CDK5RAP2: variants seen among roughly 807,000 people sequenced by gnomAD.
The protein encoded by CDK5RAP2 is CDK5 regulatory subunit-associated protein 2.
In CDK5RAP2, 147 loss-of-function variants were observed where a neutral mutation model predicts 232.9. The observed-to-expected ratio is 0.63, with a 90% CI of 0.55 to 0.72. CDK5RAP2 has a LOEUF of 0.72. Among genes scored for constraint, CDK5RAP2 ranks in the 30% least tolerant of loss-of-function variants. The probability of loss-of-function intolerance (pLI) is 0.00; values close to 1 mark genes in which losing one functional copy is unlikely to be tolerated. For synonymous variants in CDK5RAP2, 833 were observed against 833.7 expected, an observed-to-expected ratio of 1.00 and a Z score of 0.01; for missense variants, 2,195 against 2,231.5, an observed-to-expected ratio of 0.98 and a Z score of 0.33.
chr9:120,515,425 T>A (rs936702895), intron 12 of CDK5RAP2, among the ~76,000 whole-genome samples: 1 of 152,390 alleles, frequency 6.6e-6, no homozygotes, highest in Middle Eastern at 3.4e-3. Flanking sequence ...TAAATTGTTT[T>A]GCATTTTGTC....
chr9:120,437,664 T>G (rs1010259449), intron 24 of CDK5RAP2, 137 bp from the exon 25 acceptor site: 1 of 682,024 alleles, frequency 1.5e-6, no homozygotes, highest in African/African-American at 1.8e-5. Context: ...TTTAGAAAAA[T>G]TGAAACTGTA....
At chr9:120,565,850 C>T (rs894287633) in intron 3 of CDK5RAP2, among the ~76,000 whole-genome samples, 5 of 152,172 alleles carry the variant, frequency 3.3e-5, no homozygotes, top group Admixed American at 6.5e-5. Context: ...CACTATTTTC[C>T]TATCCATCTT....
At chr9:120,408,246 G>A in intron 31 of CDK5RAP2, 101 bp downstream of exon 31, 1 of 1,396,332 alleles carries the variant, frequency 7.2e-7, no homozygotes, top group South Asian at 1.2e-5. Context: ...CAAGGCCAGA[G>A]TGGAGAGGGC....
At chr9:120,497,685 C>T (rs1194533723) in intron 12 of CDK5RAP2, among the ~76,000 whole-genome samples, 1 of 152,192 alleles carries the variant, frequency 6.6e-6, no homozygotes, top group Admixed American at 6.5e-5. Flanking sequence ...GAGCACATCA[C>T]TTCCATGCTA....
chr9:120,412,675 G>A (rs2033924910), intron 28 of CDK5RAP2, among the ~76,000 whole-genome samples: 1 of 152,164 alleles, frequency 6.6e-6, no homozygotes, highest in Non-Finnish European at 1.5e-5. Flanking sequence ...ACAAATCCCT[G>A]TTGTTACCAT....
At chr9:120,557,125 G>A (rs765704952) in intron 3 of CDK5RAP2, among the ~76,000 whole-genome samples, 5 of 152,130 alleles carry the variant, frequency 3.3e-5, no homozygotes, top group Admixed American at 2.0e-4. Flanking sequence ...AGCAAAATAC[G>A]CCTTTAGAAG....
At chr9:120,422,878 G>A (rs949520064) in intron 25 of CDK5RAP2, 137 bp from the exon 26 acceptor site, 38 of 710,574 alleles carry the variant, frequency 5.3e-5, no homozygotes, top group Admixed American at 2.2e-4. Flanking sequence ...GATATTTAAA[G>A]TAGGATTACC....
At chr9:120,483,743 G>A (rs551738607) in intron 14 of CDK5RAP2, among the ~76,000 whole-genome samples, 1 of 152,230 alleles carries the variant, frequency 6.6e-6, no homozygotes, top group Non-Finnish European at 1.5e-5. Flanking sequence ...TAGTAGGACT[G>A]GCATTCTGAC....
intron 31 of CDK5RAP2, 194 bp from the exon 32 acceptor site, chr9:120,407,442 C>A: frequency 1.7e-6 from 1 of 605,302 alleles, no homozygotes; most frequent in South Asian, 1.9e-5. Context: ...ATTCCACACG[C>A]TAAATAAGAG....
intron 14 of CDK5RAP2, among the ~76,000 whole-genome samples, chr9:120,480,752 G>A (rs2038259445): frequency 6.6e-6 from 1 of 152,186 alleles, no homozygotes; most frequent in Non-Finnish European, 1.5e-5. Context: ...GGAGAATACT[G>A]TTGTGCTTCC....
chr9:120,389,439 C>T (rs1162943762), intron 37 of CDK5RAP2, 147 bp from the exon 38 acceptor site: 6 of 716,188 alleles, frequency 8.4e-6, no homozygotes, highest in South Asian at 1.6e-5. Flanking sequence ...TAATAAACAA[C>T]GATGAGATCA....
At chr9:120,395,608 A>C (rs1031515111) in intron 35 of CDK5RAP2, among the ~76,000 whole-genome samples, 1 of 152,252 alleles carries the variant, frequency 6.6e-6, no homozygotes, top group African/African-American at 2.4e-5. Flanking sequence ...TGCTGCGCCG[A>C]AACACTTCTG....
intron 12 of CDK5RAP2, among the ~76,000 whole-genome samples, chr9:120,502,093 G>C (rs1298221265): frequency 2.0e-5 from 3 of 152,158 alleles, no homozygotes; most frequent in Admixed American, 2.0e-4. Context: ...CCATGGTTTA[G>C]ATCTCTTTTG....
At chr9:120,513,428 A>G (rs115313827) in intron 12 of CDK5RAP2, among the ~76,000 whole-genome samples, 3,789 of 152,254 alleles carry the variant, frequency 0.025, 186 homozygotes, top group African/African-American at 0.087. Flanking sequence ...CCACAAGCCA[A>G]CTTCTCTCGG....
chr9:120,567,638 C>T (rs1176290567), intron 3 of CDK5RAP2, among the ~76,000 whole-genome samples: 1 of 152,194 alleles, frequency 6.6e-6, no homozygotes, highest in African/African-American at 2.4e-5. Flanking sequence ...TGCTGGAAGA[C>T]ATCAAGCATT....
At chr9:120,571,894 T>C (rs1157216001) in intron 2 of CDK5RAP2, 80 bp downstream of exon 2, 8 of 1,154,974 alleles carry the variant, frequency 6.9e-6, no homozygotes, top group African/African-American at 3.0e-5. Context: ...CCCAGAGATA[T>C]GAAAGCTCAA....
intron 22 of CDK5RAP2, 150 bp from the exon 23 acceptor site, chr9:120,443,892 G>A (rs1286731223): frequency 8.1e-6 from 8 of 991,040 alleles, no homozygotes; most frequent in African/African-American, 3.2e-5. Context: ...TTAATCTATC[G>A]AGCTGCCATA....
chr9:120,430,813 A>G (rs1299175679), intron 25 of CDK5RAP2, among the ~76,000 whole-genome samples: 22 of 152,086 alleles, frequency 1.4e-4, no homozygotes, highest in Non-Finnish European at 2.8e-4. Context: ...ACATGCACAC[A>G]TATGTTTACT....
intron 22 of CDK5RAP2, 66 bp downstream of exon 22, chr9:120,447,829 C>T (rs1339061879): frequency 1.8e-6 from 2 of 1,124,070 alleles, no homozygotes; most frequent in African/African-American, 3.1e-5. Context: ...ACAAGGTTGA[C>T]ATTTCAAGCA....
Sources: allele counts gnomAD v4.1 joint callset (sites outside exome capture counted in the v4.1 genomes callset), GRCh38; gene constraint gnomAD v4.1.1; transcripts MANE v1.5; gene names NCBI Gene and HGNC (gene_info 2026-07-23, HGNC 2026-07-21).